FBXL4: variants seen among roughly 807,000 people sequenced by gnomAD.
FBXL4 encodes F-box/LRR-repeat protein 4.
A neutral mutation model predicts 58.9 loss-of-function variants in FBXL4; 40 were observed. The ratio of observed to expected loss-of-function variants is 0.68; its 90% CI spans 0.53 to 0.88. FBXL4 has a LOEUF of 0.88. Among genes scored for constraint, FBXL4 ranks in the 40% least tolerant of loss-of-function variants. The pLI, the probability that FBXL4 is intolerant of heterozygous loss-of-function variation, is 0.00. For missense variants in FBXL4, 676 were observed against 734.4 expected, an observed-to-expected ratio of 0.92 and a Z score of 0.92; for synonymous variants, 263 against 265.5, an observed-to-expected ratio of 0.99 and a Z score of 0.09.
chr6:98,929,348 G>A (rs1461767386), intron 2 of FBXL4, among the ~76,000 whole-genome samples: 1 of 151,996 alleles, frequency 6.6e-6, no homozygotes, highest in Non-Finnish European at 1.5e-5. Context: ...GAGGCAGGTG[G>A]ATCACCTGAG....
In FBXL4 at chr6:98,900,607, C is replaced by A. The variant is rs533715563; in HGVS notation, c.1104-1126G>T. On this transcript the variant is annotated intron_variant, in intron 6 of 9. Coordinates refer to ENST00000369244, the MANE Select transcript of FBXL4 (RefSeq NM_001278716.2). ...GTATGTAACAACATTCACCACACTG[C>A]CTCGTGGGATTGAAGCTGAAATACT... 3.7e-3 allele frequency among the ~76,000 whole-genome samples: 563 copies of A among 152,172 alleles called. 2 individuals are homozygous for A. Among genetic ancestry groups the A allele is most frequent in the Non-Finnish European group, 6.5e-3 (439 of 68,010 alleles).
At chr6:98,913,823 A>T (rs1450747158) in intron 5 of FBXL4, among the ~76,000 whole-genome samples, 3 of 152,230 alleles carry the variant, frequency 2.0e-5, no homozygotes, top group African/African-American at 7.2e-5. Flanking sequence ...ATCAGAGCAG[A>T]ACTGAAGGAA....
chr6:98,889,689 A>C (rs1771157729), intron 7 of FBXL4, among the ~76,000 whole-genome samples: 1 of 151,290 alleles, frequency 6.6e-6, no homozygotes, highest in Non-Finnish European at 1.5e-5. Flanking sequence ...AAAAAAAAAA[A>C]AAAAAAAACA....
chr6:98,878,433 C>A (rs574150546), intron 8 of FBXL4, among the ~76,000 whole-genome samples: 1 of 152,094 alleles, frequency 6.6e-6, no homozygotes, highest in African/African-American at 2.4e-5. Flanking sequence ...CCTCAAACTC[C>A]TGGGCTCAAG....
chr6:98,869,940 T>A lies in FBXL4; in HGVS notation c.*4338A>T, dbSNP rs1770449785. On this transcript the variant is annotated 3_prime_UTR_variant, in exon 10 of 10. Transcript: ENST00000369244. Reference sequence around the variant, plus strand: ...TTAAACAGGATCAGGGATATCTTTATTTCTAGACTCTGGGAAGATAATTTA... The same window carrying A: ...TTAAACAGGATCAGGGATATCTTTAATTCTAGACTCTGGGAAGATAATTTA... 1 of 152,196 alleles carries A rather than the reference T, an allele frequency of 6.6e-6. No homozygotes were observed. The highest frequency in any genetic ancestry group is 1.5e-5 in the Non-Finnish European group (1 of 68,036). The allele number at this position is 152,196 out of a possible 1,614,324, so 9.4% of individuals were successfully genotyped here. A position where few individuals can be genotyped will look rare whatever the true frequency, so the allele number is the denominator to read the frequency against.
intron 1 of FBXL4, among the ~76,000 whole-genome samples, chr6:98,944,989 TA>T (rs1773568501): frequency 6.6e-6 from 1 of 152,144 alleles, no homozygotes; most frequent in Non-Finnish European, 1.5e-5. Flanking sequence ...AGCTTGCAAG[TA>T]GGGTATGATC....
At chr6:98,875,317 G>A (rs1272989843) in intron 9 of FBXL4, 98 bp downstream of exon 9, 2 of 1,125,854 alleles carry the variant, frequency 1.8e-6, no homozygotes, top group Non-Finnish European at 1.3e-6. Context: ...AATTTTTATT[G>A]TATCCAAAAA....
intron 1 of FBXL4, among the ~76,000 whole-genome samples, chr6:98,938,783 C>T (rs1773318926): frequency 1.3e-5 from 2 of 151,624 alleles, no homozygotes; most frequent in African/African-American, 2.4e-5. Context: ...ACTTTGTCTG[C>T]ATTCAAAACC....
At position 98,901,044 on chromosome 6, in the gene FBXL4, G is replaced by A. The variant is rs369680436; in HGVS notation, c.1104-1563C>T. Among the ~76,000 whole-genome samples, 26 of 152,290 alleles carry A rather than the reference G, an allele frequency of 1.7e-4. No individual in the cohort carries two copies. The South Asian group carries it at 5.4e-3, about 32-fold the overall frequency. On this transcript the variant is annotated intron_variant, in intron 6 of 9. Transcript: ENST00000369244. ...CAGGCAATAGTCTAGGCACTGGGGAGATAGCAGTGGACAAAACAAAATCCC... is the reference window on the plus strand; with the variant it reads ...CAGGCAATAGTCTAGGCACTGGGGAAATAGCAGTGGACAAAACAAAATCCC...
rs1041638997 is a variant in FBXL4 at position 98,868,930 on chromosome 6, G to A, written c.*5348C>T. ...TCAAGCTTACAGGCAAAGATCTTGA[G>A]CACACTTACTGCTGTGCCAAAGGAA... On this transcript the variant is annotated 3_prime_UTR_variant, in exon 10 of 10. Coordinates refer to ENST00000369244, the MANE Select transcript of FBXL4 (RefSeq NM_001278716.2). 6.6e-6 allele frequency: 1 copy of A among 152,174 alleles called. No homozygotes were observed. The highest frequency in any genetic ancestry group is 2.4e-5 in the African/African-American group (1 of 41,436). 9.4% of individuals were successfully genotyped at this position (152,174 alleles called of 1,614,324 possible).
At chr6:98,901,829 C>G (rs774395683) in intron 6 of FBXL4, among the ~76,000 whole-genome samples, 2 of 152,148 alleles carry the variant, frequency 1.3e-5, no homozygotes, top group Admixed American at 1.3e-4. Flanking sequence ...TGCCACTGAT[C>G]ATTTGAAAGG....
intron 1 of FBXL4, among the ~76,000 whole-genome samples, chr6:98,946,999 G>C (rs1312706132): frequency 6.6e-6 from 1 of 152,218 alleles, no homozygotes; most frequent in Non-Finnish European, 1.5e-5. Flanking sequence ...AAGGCAGCTT[G>C]TGTCTGTGAA....
chr6:98,915,199 G>T lies in FBXL4; in HGVS notation c.858+2175C>A, dbSNP rs1392666106. On this transcript the variant is annotated intron_variant, in intron 5 of 9. Transcript: ENST00000369244. ...ACAAACAAATGGAAGAACATTCCAT[G>T]CTCATGGGTAGGAAGAATCAATATC... Among the ~76,000 whole-genome samples, 6 of 151,478 alleles carry T rather than the reference G, an allele frequency of 4.0e-5. No individual in the cohort carries two copies. The East Asian group carries it at 1.2e-3, about 29-fold the overall frequency.
At chr6:98,916,871 C>T (rs1040782137) in intron 5 of FBXL4, among the ~76,000 whole-genome samples, 1 of 146,614 alleles carries the variant, frequency 6.8e-6, no homozygotes, top group Admixed American at 6.8e-5. Flanking sequence ...GGTAATAGCA[C>T]TACCTGCCTA....
intron 7 of FBXL4, among the ~76,000 whole-genome samples, chr6:98,886,954 AAAGT>A (rs1350897966): frequency 6.6e-6 from 1 of 152,180 alleles, no homozygotes; most frequent in Non-Finnish European, 1.5e-5. Flanking sequence ...CTTTGAATTA[AAAGT>A]AAGAGTAAGG....
rs563538038 is a variant in FBXL4 at position 98,886,864 on chromosome 6, T to G, written c.1318-6240A>C. Among the ~76,000 whole-genome samples, 38 of 152,316 alleles carry G rather than the reference T, an allele frequency of 2.5e-4. No homozygotes were observed. The South Asian group carries it at 6.6e-3, about 27-fold the overall frequency. On this transcript the variant is annotated intron_variant, in intron 7 of 9. Transcript: ENST00000369244. Reference sequence around the variant, plus strand: ...CTGGGTGGGGTGGCTTGGAACACTGTCACCTAGCTGATTATCCCCAGACTG... The same window carrying G: ...CTGGGTGGGGTGGCTTGGAACACTGGCACCTAGCTGATTATCCCCAGACTG...
chr6:98,898,927 C>T (rs1771503399), intron 7 of FBXL4: 2 of 985,272 alleles, frequency 2.0e-6, no homozygotes, highest in East Asian at 1.1e-4. Flanking sequence ...CCACTGCAAG[C>T]AAATGTCCTC....
intron 7 of FBXL4, among the ~76,000 whole-genome samples, chr6:98,890,639 C>T (rs1771191641): frequency 6.6e-6 from 1 of 152,106 alleles, no homozygotes; most frequent in African/African-American, 2.4e-5. Flanking sequence ...AAGTTGAAAG[C>T]CAGGTGCAGT....
At chr6:98,915,449 A>G (rs1308816803) in intron 5 of FBXL4, among the ~76,000 whole-genome samples, 3 of 152,042 alleles carry the variant, frequency 2.0e-5, no homozygotes, top group Non-Finnish European at 4.4e-5. Context: ...CCAAAACAGC[A>G]TGGTACTGGT....
Sources: allele counts gnomAD v4.1 joint callset (sites outside exome capture counted in the v4.1 genomes callset), GRCh38; gene constraint gnomAD v4.1.1; transcripts MANE v1.5; gene names NCBI Gene and HGNC (gene_info 2026-07-23, HGNC 2026-07-21).